SH3TC1: variants seen among roughly 807,000 people sequenced by gnomAD.
SH3TC1 encodes SH3 domain and tetratricopeptide repeats 1, also known as SH3 domain and tetratricopeptide repeat-containing protein 1.
SH3TC1 carries 135 observed loss-of-function variants against 117.3 expected under a neutral mutation model. That is an observed-to-expected ratio of 1.15 (90% confidence interval 1.00 to 1.33). SH3TC1 has a LOEUF of 1.33. Among genes scored for constraint, SH3TC1 ranks in the 40% most tolerant of loss-of-function variants. The probability of loss-of-function intolerance (pLI) is 0.00; values close to 1 mark genes in which losing one functional copy is unlikely to be tolerated. For missense variants in SH3TC1, 2,092 were observed against 1,794.3 expected, an observed-to-expected ratio of 1.17 and a Z score of -3.00; for synonymous variants, 898 against 816.9, an observed-to-expected ratio of 1.10 and a Z score of -1.69.
At position 8,218,346 on chromosome 4, in the gene SH3TC1, G is replaced by A. The variant is rs747613749; in HGVS notation, c.915G>A (p.Met305Ile). The A allele has an allele frequency of 5.6e-6, 9 of 1,608,360 alleles. No homozygotes were observed. Among genetic ancestry groups the A allele is most frequent in the Admixed American group, 1.7e-5 (1 of 59,804 alleles). Residue 305 changes from methionine (M) to isoleucine (I), a missense_variant and splice_region_variant, in exon 8 of 18, where the codon ATG becomes ATA. Met to Ile is a conservative substitution (Grantham distance 10, BLOSUM62 1). Coordinates refer to ENST00000245105, the MANE Select transcript of SH3TC1 (RefSeq NM_018986.5). ...GGPVMPGNPLMAVGLASALAD... is the reference protein window; with the variant it reads ...GGPVMPGNPLIAVGLASALAD... ...CTGTGATGCCCGGCAACCCGCTGAT[G>A]GGTAAGTGTTTCCATGGGCCTCTCT... is the stretch of plus-strand genomic sequence containing the variant.
In SH3TC1 at chr4:8,215,210, A is replaced by G. The variant is rs1435948590; in HGVS notation, c.481+630A>G. 9 of 456,120 alleles carry G rather than the reference A, an allele frequency of 2.0e-5. No individual in the cohort carries two copies. The East Asian group carries it at 6.2e-4, about 32-fold the overall frequency. The allele number at this position is 456,120 out of a possible 1,614,324, so 28.3% of individuals were successfully genotyped here. A position where few individuals can be genotyped will look rare whatever the true frequency, so the allele number is the denominator to read the frequency against. ...CTGCCGTCCAGTGGCCTCAGTGCTG[A>G]CCGGGAAAGCTGTTATTTGAAAGCT... On this transcript the variant is annotated intron_variant, in intron 5 of 17. Transcript: ENST00000245105.
chr4:8,212,608 G>A, intron 3 of SH3TC1, 93 bp from the exon 4 acceptor site: 20 of 1,563,648 alleles, frequency 1.3e-5, no homozygotes, highest in Admixed American at 1.7e-5. Flanking sequence ...GGGGTCAGGT[G>A]TGTGGGTTGG....
At chr4:8,214,845 A>G (rs1719090398) in intron 5 of SH3TC1, among the ~76,000 whole-genome samples, 1 of 152,240 alleles carries the variant, frequency 6.6e-6, no homozygotes, top group African/African-American at 2.4e-5. Context: ...TACCATGCCC[A>G]GCTAAATTTT....
intron 1 of SH3TC1, among the ~76,000 whole-genome samples, chr4:8,187,286 G>A (rs568736502): frequency 1.8e-4 from 28 of 152,316 alleles, no homozygotes; most frequent in Admixed American, 1.8e-3. Context: ...GCTATCAACA[G>A]GCTTTGTCAT....
chr4:8,216,014 G>A (rs1302715064), intron 5 of SH3TC1, 97 bp from the exon 6 acceptor site: 3 of 1,430,316 alleles, frequency 2.1e-6, no homozygotes, highest in Non-Finnish European at 2.9e-6. Flanking sequence ...CCTGGACCTG[G>A]TCAGTGCAGG....
intron 15 of SH3TC1, chr4:8,235,955 T>C (rs1267939459): frequency 5.1e-6 from 2 of 389,898 alleles, no homozygotes; most frequent in South Asian, 5.4e-5. Context: ...TCCTCTGAGC[T>C]CATGGTGTGG....
At chr4:8,200,525 CTG>C (rs1717764042) in intron 1 of SH3TC1, among the ~76,000 whole-genome samples, 1 of 152,232 alleles carries the variant, frequency 6.6e-6, no homozygotes, top group African/African-American at 2.4e-5. Flanking sequence ...GTGATGACAA[CTG>C]TGTCCCGTGT....
rs771670967 is a variant in SH3TC1, at chr4:8,227,432, C to T, written c.1738C>T (p.Arg580Trp). ...CSRRLKLSQA[R>W]VYFEEALGAL... ...CAGGAGGCTCAAGCTGTCCCAGGCC[C>T]GGGTGTACTTTGAGGAAGCGCTGGG... Residue 580 changes from arginine (R) to tryptophan (W), a missense_variant, in exon 12 of 18, where the codon CGG becomes TGG. By Grantham distance (101) the Arg-to-Trp change is moderately radical. Transcript: ENST00000245105. 1.7e-5 allele frequency: 26 copies of T among 1,556,962 alleles called. No homozygotes were observed. Among genetic ancestry groups the T allele is most frequent in the African/African-American group, 6.9e-5 (5 of 72,850 alleles).
chr4:8,212,678 C>T lies in SH3TC1; in HGVS notation c.248-23C>T, dbSNP rs757117502. On this transcript the variant is annotated intron_variant, in intron 3 of 17. Coordinates refer to ENST00000245105, the MANE Select transcript of SH3TC1 (RefSeq NM_018986.5). ...TCCCAGCCCAGGTCAGACCAACTGCCCAACCTCCGTCTGCCCCTCCAGACC... is the reference window on the plus strand; with the variant it reads ...TCCCAGCCCAGGTCAGACCAACTGCTCAACCTCCGTCTGCCCCTCCAGACC... 13 of 1,612,584 alleles carry T rather than the reference C, an allele frequency of 8.1e-6. No homozygotes were observed. The Admixed American group carries it at 1.7e-4, about 21-fold the overall frequency.
upstream of SH3TC1, among the ~76,000 whole-genome samples, chr4:8,194,726 G>C (rs926172296): frequency 6.6e-6 from 1 of 152,188 alleles, no homozygotes; most frequent in East Asian, 1.9e-4. Flanking sequence ...ATCAGGAAAG[G>C]GACAGAGGAC....
chr4:8,218,115 C>CGTGT (rs1561695234), intron 7 of SH3TC1, 156 bp from the exon 8 acceptor site: 4 of 486,126 alleles, frequency 8.2e-6, no homozygotes, highest in South Asian at 3.3e-5. Context: ...CCTGGGCAGG[C>CGTGT]ATGTGTGTGT....
chr4:8,232,317 C>G, intron 13 of SH3TC1, 161 bp downstream of exon 13: 3 of 1,502,308 alleles, frequency 2.0e-6, no homozygotes, highest in Non-Finnish European at 2.7e-6. Context: ...CTGGGGTTGT[C>G]CCAGGGCTGC....
Position 8,205,125 on chromosome 4 carries a change from TGGA to T in SH3TC1, c.-28-39_-28-37del, listed in dbSNP as rs1718090036. ...CTGGACACAACCTCCGTGCTGGTTC[TGGA>T]GGGGCCACCTCTCCTGACCACACCC... On this transcript the variant is annotated intron_variant, in intron 1 of 17. Transcript: ENST00000245105. This position sits in a 1 kb window ranked among gnomAD's most constrained non-coding sequence, Gnocchi z 5.4. The T allele has an allele frequency of 7.0e-7, 1 of 1,421,652 alleles. No homozygotes were observed. The highest frequency in any genetic ancestry group is 2.5e-5 in the East Asian group (1 of 39,506). The allele number at this position is 1,421,652 out of a possible 1,614,324, so 88.1% of individuals were successfully genotyped here. A position where few individuals can be genotyped will look rare whatever the true frequency, so the allele number is the denominator to read the frequency against.
chr4:8,197,111 C>T (rs895938650), upstream of SH3TC1, among the ~76,000 whole-genome samples: 6 of 152,106 alleles, frequency 3.9e-5, no homozygotes, highest in Non-Finnish European at 5.9e-5. Flanking sequence ...AGTGACAGGG[C>T]GCTTAAGGGA....
rs777772093 is a variant in SH3TC1 at position 8,214,522 on chromosome 4, C to T, written c.423C>T (p.Ile141=). The change falls in exon 5 of 18, where the codon ATC becomes ATT. Residue 141 remains isoleucine (I), a synonymous_variant. Transcript: ENST00000245105. ...LLSIHSDQDR[I]VVTFKTFEEI... ...CCATCCACAGTGACCAGGACCGGAT[C>T]GTGGTGACGTTTAAGACTTTTGAAG... 2.7e-5 allele frequency: 43 copies of T among 1,613,828 alleles called. No homozygotes were observed. Among genetic ancestry groups the T allele is most frequent in the African/African-American group, 5.3e-5 (4 of 74,890 alleles).
At chr4:8,195,407 T>TTGGAAAGCACGC (rs1717529074), upstream of SH3TC1, among the ~76,000 whole-genome samples, 2 of 152,170 alleles carry the variant, frequency 1.3e-5, no homozygotes, top group African/African-American at 2.4e-5. Flanking sequence ...GTCTGCAGCC[T>TTGGAAAGCACGC]CCAGTTGGGC....
At chr4:8,197,705 C>T (rs1204813273), upstream of SH3TC1, among the ~76,000 whole-genome samples, 5 of 128,698 alleles carry the variant, frequency 3.9e-5, no homozygotes, top group Non-Finnish European at 6.7e-5. Context: ...GGGCCATCCT[C>T]GAGTTCTTTT....
intron 1 of SH3TC1, chr4:8,204,810 G>A (rs1199624202): frequency 5.6e-6 from 1 of 180,074 alleles, no homozygotes; most frequent in African/African-American, 2.4e-5. Context: ...CGGGAGCACG[G>A]TCTGTTGGGT....
chr4:8,200,751 G>T (rs186553157), intron 1 of SH3TC1, among the ~76,000 whole-genome samples: 103 of 152,344 alleles, frequency 6.8e-4, no homozygotes, highest in African/African-American at 2.3e-3. Context: ...GCGTCCCTCA[G>T]AAGGCTACTG....
Sources: gnomAD v4.1 joint callset for allele counts (sites outside exome capture counted in the v4.1 genomes callset) on GRCh38, gnomAD v4.1.1 for gene constraint, Gnocchi (gnomAD v3.1) non-coding constraint, MANE v1.5 for transcripts, NCBI Gene and HGNC (gene_info 2026-07-23, HGNC 2026-07-21) for gene names.